Variants in CA10 observed in about 807,000 individuals in gnomAD.
CA10 encodes carbonic anhydrase 10 (inactive).
Under a neutral mutation model 44.2 loss-of-function variants are expected in CA10, and 14 were observed. The observed-to-expected ratio is 0.32, with a 90% CI of 0.21 to 0.50. CA10 has a LOEUF of 0.50. CA10 is among the 20% of genes least tolerant of loss of function. The pLI, the probability that CA10 is intolerant of heterozygous loss-of-function variation, is 0.99. For missense variants in CA10, 350 were observed against 409.7 expected (o/e 0.85, Z 1.26); for synonymous variants, 159 against 141.6 (o/e 1.12, Z -0.87).
At chr17:51,945,016 CCCCT>C (rs1470204672) in intron 2 of CA10, among the ~76,000 whole-genome samples, 1 of 152,154 alleles carries the variant, frequency 6.6e-6, no homozygotes, top group Non-Finnish European at 1.5e-5. Context: ...GGTACACCCT[CCCCT>C]TGTAGGAAAG....
intron 3 of CA10, among the ~76,000 whole-genome samples, chr17:51,864,739 T>C (rs1359468012): frequency 6.6e-6 from 1 of 152,222 alleles, no homozygotes; most frequent in African/African-American, 2.4e-5. Flanking sequence ...TCCTTCCACA[T>C]TAATGTCATT....
intron 2 of CA10, 81 bp downstream of exon 2, chr17:52,072,238 C>T (rs1411031304): frequency 2.0e-6 from 2 of 992,688 alleles, no homozygotes; most frequent in Non-Finnish European, 3.1e-6. Context: ...TCACCTTTTG[C>T]AATGTAAAAT....
intron 4 of CA10, among the ~76,000 whole-genome samples, chr17:51,719,437 C>T (rs1916281349): frequency 6.6e-6 from 1 of 152,104 alleles, no homozygotes. Context: ...CCCCCGTAGC[C>T]CAGCATCTAA....
intron 3 of CA10, among the ~76,000 whole-genome samples, chr17:51,866,639 G>T (rs997251566): frequency 6.6e-6 from 1 of 152,096 alleles, no homozygotes; most frequent in East Asian, 1.9e-4. Context: ...CAAGATACCC[G>T]CTCGACTTTA....
intron 2 of CA10, among the ~76,000 whole-genome samples, chr17:52,011,195 T>C (rs1242461134): frequency 6.6e-6 from 1 of 151,666 alleles, no homozygotes; most frequent in East Asian, 2.0e-4. Context: ...GCCTATCATT[T>C]ATGTTATAAT....
chr17:52,015,752 A>G (rs573876999), intron 2 of CA10, among the ~76,000 whole-genome samples: 18 of 152,264 alleles, frequency 1.2e-4, no homozygotes, highest in Non-Finnish European at 2.2e-4. Context: ...ATTTGCATAT[A>G]ATTTCTGAAG....
At chr17:51,904,716 T>G (rs906303615) in intron 3 of CA10, among the ~76,000 whole-genome samples, 13 of 152,148 alleles carry the variant, frequency 8.5e-5, no homozygotes, top group African/African-American at 2.9e-4. Flanking sequence ...CCTTCTCTAA[T>G]CTATCCCTAA....
intron 2 of CA10, among the ~76,000 whole-genome samples, chr17:51,956,331 G>A (rs1983664761): frequency 6.6e-6 from 1 of 152,100 alleles, no homozygotes; most frequent in South Asian, 2.1e-4. Context: ...ACACATGTAT[G>A]TATCCCAGAA....
intron 2 of CA10, among the ~76,000 whole-genome samples, chr17:52,050,686 G>T (rs1377913302): frequency 2.0e-5 from 3 of 152,104 alleles, no homozygotes; most frequent in East Asian, 3.9e-4. Flanking sequence ...TCCAAGGTTT[G>T]TGCTCCACCT....
chr17:51,735,177 C>T (rs929077748), intron 4 of CA10, among the ~76,000 whole-genome samples: 3 of 152,102 alleles, frequency 2.0e-5, no homozygotes, highest in Non-Finnish European at 2.9e-5. Context: ...GAAATGCTGA[C>T]CCTGTATATA....
At chr17:51,709,821 T>G (rs1915876049) in intron 4 of CA10, among the ~76,000 whole-genome samples, 1 of 152,224 alleles carries the variant, frequency 6.6e-6, no homozygotes, top group Non-Finnish European at 1.5e-5. Context: ...GATCTAGAGC[T>G]GGGCCCCACA....
intron 2 of CA10, among the ~76,000 whole-genome samples, chr17:51,968,684 C>T (rs760801135): frequency 2.0e-5 from 3 of 151,572 alleles, no homozygotes; most frequent in Admixed American, 6.6e-5. Flanking sequence ...GAACTATACA[C>T]CACAAAAGAG....
chr17:51,864,249 G>A (rs896850561), intron 3 of CA10, among the ~76,000 whole-genome samples: 2 of 151,948 alleles, frequency 1.3e-5, no homozygotes, highest in Non-Finnish European at 2.9e-5. Flanking sequence ...AAAAAGGAAA[G>A]CCAATTTTTT....
chr17:52,039,712 T>C (rs1376714605), intron 2 of CA10, among the ~76,000 whole-genome samples: 1 of 152,130 alleles, frequency 6.6e-6, no homozygotes, highest in African/African-American at 2.4e-5. Context: ...AGAATATTCA[T>C]TTCTTTTAAT....
At chr17:51,858,485 C>T (rs1264965030) in intron 3 of CA10, among the ~76,000 whole-genome samples, 4 of 152,148 alleles carry the variant, frequency 2.6e-5, no homozygotes, top group Non-Finnish European at 4.4e-5. Flanking sequence ...GCTCCGGTTA[C>T]AGCTGAAAAT....
chr17:52,071,867 G>A (rs73358897), intron 2 of CA10, among the ~76,000 whole-genome samples: 26 of 152,206 alleles, frequency 1.7e-4, no homozygotes, highest in Admixed American at 1.6e-3. Context: ...TCCTCTGCCC[G>A]CATGCTGACA....
intron 2 of CA10, among the ~76,000 whole-genome samples, chr17:52,014,045 G>A (rs1015156557): frequency 6.6e-6 from 1 of 151,858 alleles, no homozygotes; most frequent in African/African-American, 2.4e-5. Flanking sequence ...AGTGGTGGAA[G>A]TATGACCAAA....
chr17:52,006,064 C>T (rs1369200349), intron 2 of CA10, among the ~76,000 whole-genome samples: 4 of 151,486 alleles, frequency 2.6e-5, no homozygotes, highest in African/African-American at 9.7e-5. Context: ...ATGAGATGGC[C>T]AAAGAGAGAT....
chr17:51,893,869 A>G (rs960968367), intron 3 of CA10, among the ~76,000 whole-genome samples: 3 of 152,170 alleles, frequency 2.0e-5, no homozygotes, highest in African/African-American at 4.8e-5. Context: ...TTGTCTCTAT[A>G]TATTCACGTA....
Sources: allele counts gnomAD v4.1 joint callset (sites outside exome capture counted in the v4.1 genomes callset), GRCh38; gene constraint gnomAD v4.1.1; transcripts MANE v1.5; gene names NCBI Gene and HGNC (gene_info 2026-07-23, HGNC 2026-07-21).